The following COL11A1 variants were observed in gnomAD, a reference collection of about 807,000 sequenced individuals.
COL11A1 encodes collagen type XI alpha 1 chain, also known as collagen alpha-1(XI) chain.
In COL11A1, 74 loss-of-function variants were observed where a neutral mutation model predicts 265.2. The observed-to-expected ratio is 0.28, with a 90% CI of 0.23 to 0.34. The LOEUF (loss-of-function observed/expected upper bound fraction) is 0.34. Among genes scored for constraint, COL11A1 ranks in the 10% least tolerant of loss-of-function variants. The probability of loss-of-function intolerance (pLI) is 1.00; values close to 1 mark genes in which losing one functional copy is unlikely to be tolerated. For missense variants in COL11A1, 2,165 were observed against 2,263.6 expected (o/e 0.96, Z 0.88); for synonymous variants, 816 against 727.6 (o/e 1.12, Z -1.96).
chr1:102,889,722 A>T (rs1651506313), intron 58 of COL11A1, among the ~76,000 whole-genome samples, 160 bp from the exon 59 acceptor site: 1 of 152,152 alleles, frequency 6.6e-6, no homozygotes, highest in Non-Finnish European at 1.5e-5. Flanking sequence ...ACAGTTAAGA[A>T]TCTCCTTCTC....
intron 47 of COL11A1, among the ~76,000 whole-genome samples, chr1:102,922,284 G>A (rs556317516): frequency 3.3e-5 from 5 of 152,110 alleles, no homozygotes; most frequent in African/African-American, 9.7e-5. Flanking sequence ...ATCTACTACC[G>A]TGTAATCAGG....
At chr1:102,924,279 G>A (rs980057175) in intron 46 of COL11A1, among the ~76,000 whole-genome samples, 2 of 152,064 alleles carry the variant, frequency 1.3e-5, no homozygotes, top group African/African-American at 2.4e-5. Flanking sequence ...CACTGTAACT[G>A]ATATTTAGGA....
chr1:103,102,063 A>G (rs1674321240), intron 1 of COL11A1, among the ~76,000 whole-genome samples: 1 of 152,086 alleles, frequency 6.6e-6, no homozygotes, highest in African/African-American at 2.4e-5. Flanking sequence ...AAATCACTTT[A>G]AAATTGTCTT....
chr1:103,023,609 G>C (rs921424618), intron 7 of COL11A1, among the ~76,000 whole-genome samples: 1 of 151,942 alleles, frequency 6.6e-6, no homozygotes, highest in Admixed American at 6.6e-5. Flanking sequence ...CACCCGCCTT[G>C]GTCTCCCAAA....
chr1:103,016,058 A>G (rs1666541781), intron 11 of COL11A1, among the ~76,000 whole-genome samples: 1 of 152,116 alleles, frequency 6.6e-6, no homozygotes, highest in Admixed American at 6.6e-5. Flanking sequence ...GAGAAAAACA[A>G]GTAGTACAAG....
chr1:103,027,656 C>A (rs1050680386), intron 5 of COL11A1, among the ~76,000 whole-genome samples: 4 of 151,772 alleles, frequency 2.6e-5, no homozygotes, highest in African/African-American at 9.7e-5. Flanking sequence ...GAACTGTTGA[C>A]CACAAATGTT....
intron 1 of COL11A1, among the ~76,000 whole-genome samples, chr1:103,098,315 C>A (rs572689687): frequency 1.3e-5 from 2 of 151,898 alleles, no homozygotes; most frequent in African/African-American, 4.8e-5. Flanking sequence ...GCCTTTCACT[C>A]GACTTCCAGT....
chr1:102,900,216 A>G (rs1285417050), intron 54 of COL11A1, among the ~76,000 whole-genome samples: 1 of 152,116 alleles, frequency 6.6e-6, no homozygotes, highest in Non-Finnish European at 1.5e-5. Flanking sequence ...CAAAGATAAA[A>G]AATGTATAAA....
At chr1:102,953,156 GATAA>G (rs1660053539) in intron 41 of COL11A1, among the ~76,000 whole-genome samples, 1 of 152,178 alleles carries the variant, frequency 6.6e-6, no homozygotes, top group Non-Finnish European at 1.5e-5. Flanking sequence ...ATAATTGTCA[GATAA>G]ATAAACTATT....
intron 41 of COL11A1, among the ~76,000 whole-genome samples, chr1:102,950,614 GTCTC>G (rs1659783751): frequency 6.6e-6 from 1 of 151,826 alleles, no homozygotes; most frequent in South Asian, 2.1e-4. Flanking sequence ...ATCTCTCACT[GTCTC>G]TCTAACACAA....
At chr1:103,101,106 T>C (rs995346105) in intron 1 of COL11A1, among the ~76,000 whole-genome samples, 1 of 151,788 alleles carries the variant, frequency 6.6e-6, no homozygotes, top group African/African-American at 2.4e-5. Context: ...CATTCCAGGG[T>C]GAGTGTTCAA....
chr1:102,955,418 C>A (rs1660277012), intron 41 of COL11A1, among the ~76,000 whole-genome samples: 1 of 152,130 alleles, frequency 6.6e-6, no homozygotes, highest in Non-Finnish European at 1.5e-5. Flanking sequence ...GACTGCTATA[C>A]CGCACAATTT....
intron 5 of COL11A1, 26 bp from the exon 6 acceptor site, chr1:103,026,358 G>A (rs1159361393): frequency 5.4e-6 from 8 of 1,494,942 alleles, no homozygotes; most frequent in Non-Finnish European, 7.5e-6. Flanking sequence ...AAAAATATCA[G>A]GCAATTGTGT....
chr1:102,986,304 A>G (rs947371899), intron 30 of COL11A1, among the ~76,000 whole-genome samples: 4 of 151,282 alleles, frequency 2.6e-5, no homozygotes, highest in Non-Finnish European at 5.9e-5. Flanking sequence ...TCAGCAAACT[A>G]TCGCAAGGAC....
In COL11A1 at chr1:102,962,744, G is replaced by A; in HGVS notation, c.2933C>T (p.Thr978Ile). Residue 978 changes from threonine (T) to isoleucine (I), a missense_variant, in exon 39 of 67, where the codon ACT becomes ATT. Physicochemically the swap from Thr to Ile is moderately conservative, Grantham distance 89 (BLOSUM62 -1). Transcript: ENST00000370096. ...ATGCCCACGTTCCCCTATTGGACCAGTCTCACCGGTTGGTCCCTAAATTAG... is the reference window on the plus strand; with the variant it reads ...ATGCCCACGTTCCCCTATTGGACCAATCTCACCGGTTGGTCCCTAAATTAG... The part of the protein sequence containing the change: ...VVGPQGPTGE[T>I]GPIGERGHPG... 6.2e-7 allele frequency: 1 copy of A among 1,614,092 alleles called. No individual in the cohort carries two copies. The highest frequency in any genetic ancestry group is 2.2e-5 in the East Asian group (1 of 44,864).
At position 102,981,396 on chromosome 1, in the gene COL11A1, A is replaced by AGG. The variant is rs11375887; in HGVS notation, c.2557-1963_2557-1962dup. Among the ~76,000 whole-genome samples, 1,107 of 151,420 alleles carry AGG rather than the reference A, an allele frequency of 7.3e-3. 12 individuals carry two copies. The highest frequency in any genetic ancestry group is 0.023 in the African/African-American group (960 of 41,264). On this transcript the variant is annotated intron_variant, in intron 31 of 66. Coordinates refer to ENST00000370096, the MANE Select transcript of COL11A1 (RefSeq NM_001854.4). ...ATACAGTATGAAAATAAAAATTTTG[A>AGG]GGGGGGGGACAAATATTCAGTTCTG...
In COL11A1 at chr1:102,890,494, C is replaced by G; in HGVS notation, c.4313G>C (p.Gly1438Ala). The change falls in exon 58 of 67, where the codon GGC becomes GCC. Residue 1438 changes from glycine (G) to alanine (A), a missense_variant. By Grantham distance (60) the Gly-to-Ala change is moderately conservative (BLOSUM62 0). Transcript: ENST00000370096. ...DGPPGPMGPP[G>A]LPGLKGDPGS... ...AGGGTCACCTTTGAGACCAGGTAAGCCAGGAGGTCCCTAAATAATAACAAA... is the reference window on the plus strand; with the variant it reads ...AGGGTCACCTTTGAGACCAGGTAAGGCAGGAGGTCCCTAAATAATAACAAA... 1 of 1,603,364 alleles carries G rather than the reference C, an allele frequency of 6.2e-7. No homozygotes were observed. Among genetic ancestry groups the G allele is most frequent in the Non-Finnish European group, 8.5e-7 (1 of 1,176,232 alleles).
chr1:103,004,778 T>G (rs989048744), intron 18 of COL11A1, 117 bp from the exon 19 acceptor site: 2 of 828,224 alleles, frequency 2.4e-6, no homozygotes, highest in Non-Finnish European at 3.8e-6. Flanking sequence ...AATATATGCT[T>G]TATTTACCCT....
intron 41 of COL11A1, among the ~76,000 whole-genome samples, chr1:102,953,816 C>A (rs974904010): frequency 6.6e-6 from 1 of 152,036 alleles, no homozygotes; most frequent in Non-Finnish European, 1.5e-5. Flanking sequence ...CATTGTTAAT[C>A]CTAACTTTTA....
Sources: allele counts gnomAD v4.1 joint callset (sites outside exome capture counted in the v4.1 genomes callset), GRCh38; gene constraint gnomAD v4.1.1; transcripts MANE v1.5; gene names NCBI Gene and HGNC (gene_info 2026-07-23, HGNC 2026-07-21).